Variants in SLC14A2 observed in about 807,000 individuals in gnomAD.
The protein encoded by SLC14A2 is solute carrier family 14 member 2.
In SLC14A2, 91 loss-of-function variants were observed where a neutral mutation model predicts 104.6. The ratio of observed to expected loss-of-function variants is 0.87; its 90% confidence interval spans 0.73 to 1.04. The LOEUF (loss-of-function observed/expected upper bound fraction) is 1.04, where lower values mean the gene tolerates loss of function less well. Ranked by LOEUF, SLC14A2 falls within the 50% of genes least tolerant of loss-of-function variation. The probability of loss-of-function intolerance (pLI) is 0.00; values close to 1 mark genes in which losing one functional copy is unlikely to be tolerated. For synonymous variants in SLC14A2, 476 were observed against 466.4 expected (o/e 1.02, Z -0.27); for missense variants, 1,189 against 1,156.0 (o/e 1.03, Z -0.41).
intron 2 of SLC14A2, among the ~76,000 whole-genome samples, chr18:45,605,379 C>T (rs2044852119): frequency 6.6e-6 from 1 of 152,134 alleles, no homozygotes; most frequent in East Asian, 1.9e-4. Context: ...TAAAATATAA[C>T]CCCCTCTGGA....
intron 1 of SLC14A2, among the ~76,000 whole-genome samples, chr18:45,262,725 CT>C (rs1328324727): frequency 1.3e-5 from 2 of 152,176 alleles, no homozygotes; most frequent in Non-Finnish European, 2.9e-5. Flanking sequence ...TGAGTACCCG[CT>C]GTCTTACTGT....
chr18:45,342,279 A>C (rs948220248), intron 1 of SLC14A2, among the ~76,000 whole-genome samples: 1 of 152,236 alleles, frequency 6.6e-6, no homozygotes, highest in African/African-American at 2.4e-5. Flanking sequence ...CTATGAGGTT[A>C]GGGTGACCAG....
intron 1 of SLC14A2, among the ~76,000 whole-genome samples, chr18:45,230,518 AGCT>A (rs1399430946): frequency 6.6e-6 from 1 of 152,194 alleles, no homozygotes; most frequent in African/African-American, 2.4e-5. Flanking sequence ...TCTGTGAAGG[AGCT>A]GTGGGATCAG....
chr18:45,431,354 G>A (rs1350047030), intron 1 of SLC14A2, among the ~76,000 whole-genome samples: 3 of 152,066 alleles, frequency 2.0e-5, no homozygotes, highest in Admixed American at 1.3e-4. Context: ...AATGAATCCT[G>A]GCCCCTCACT....
chr18:45,396,258 GAT>G (rs1164453660), intron 1 of SLC14A2, among the ~76,000 whole-genome samples: 1 of 151,934 alleles, frequency 6.6e-6, no homozygotes, highest in African/African-American at 2.4e-5. Context: ...AGTCTTCCCA[GAT>G]CTGTGTGATC....
intron 2 of SLC14A2, among the ~76,000 whole-genome samples, chr18:45,560,344 A>G (rs1047458151): frequency 6.6e-6 from 1 of 152,156 alleles, no homozygotes. Flanking sequence ...TCCACCACAG[A>G]TGAAGACCCC....
intron 2 of SLC14A2, among the ~76,000 whole-genome samples, chr18:45,595,406 GT>G (rs34560576): frequency 0.096 from 13,764 of 143,528 alleles, 721 homozygotes; most frequent in East Asian, 0.2. Flanking sequence ...ATTTTGCTGG[GT>G]TTTTTTTTTT....
At chr18:45,356,529 G>A (rs1220288758) in intron 1 of SLC14A2, among the ~76,000 whole-genome samples, 3 of 152,152 alleles carry the variant, frequency 2.0e-5, no homozygotes, top group Non-Finnish European at 2.9e-5. Flanking sequence ...ATGAGATACG[G>A]GAAACGATGT....
intron 1 of SLC14A2, among the ~76,000 whole-genome samples, chr18:45,253,499 C>T (rs2084444556): frequency 6.7e-6 from 1 of 149,990 alleles, no homozygotes; most frequent in South Asian, 2.1e-4. Flanking sequence ...TTCATTACAA[C>T]TTTAAAAGTC....
At chr18:45,607,463 G>T (rs752632156) in intron 2 of SLC14A2, among the ~76,000 whole-genome samples, 1 of 151,952 alleles carries the variant, frequency 6.6e-6, no homozygotes, top group African/African-American at 2.4e-5. Flanking sequence ...CCACATAGTT[G>T]GTACTCAGCA....
At chr18:45,362,165 A>C (rs1283337392) in intron 1 of SLC14A2, among the ~76,000 whole-genome samples, 1 of 152,246 alleles carries the variant, frequency 6.6e-6, no homozygotes, top group Non-Finnish European at 1.5e-5. Context: ...CTTATGAAGA[A>C]GGTACTTGTT....
intron 2 of SLC14A2, among the ~76,000 whole-genome samples, chr18:45,546,981 T>C (rs1214374677): frequency 6.6e-6 from 1 of 152,088 alleles, no homozygotes; most frequent in African/African-American, 2.4e-5. Flanking sequence ...TGCCCAGCCT[T>C]CTCAACCCAG....
chr18:45,466,214 A>G (rs781386600), intron 1 of SLC14A2, among the ~76,000 whole-genome samples: 1 of 152,064 alleles, frequency 6.6e-6, no homozygotes, highest in East Asian at 1.9e-4. Context: ...TATTACCTGG[A>G]CATCCACTTT....
chr18:45,507,323 G>C (rs2043302034), intron 2 of SLC14A2: 1 of 152,558 alleles, frequency 6.6e-6, no homozygotes, highest in Admixed American at 6.5e-5. Flanking sequence ...GCAGAGGTCA[G>C]ATGAGAGAGT....
chr18:45,177,849 A>T, the SLC14A2 span, among the ~76,000 whole-genome samples: 1 of 152,230 alleles, frequency 6.6e-6, no homozygotes, highest in African/African-American at 2.4e-5. Flanking sequence ...ATAAATGGAT[A>T]AATGGAAGGG....
intron 1 of SLC14A2, among the ~76,000 whole-genome samples, chr18:45,436,441 C>T (rs2086598024): frequency 6.6e-6 from 1 of 152,114 alleles, no homozygotes; most frequent in African/African-American, 2.4e-5. Context: ...TAGAGAAAAC[C>T]CAAGAACACT....
At chr18:45,237,349 G>A (rs7227362) in intron 1 of SLC14A2, among the ~76,000 whole-genome samples, 2,862 of 152,222 alleles carry the variant, frequency 0.019, 75 homozygotes, top group African/African-American at 0.065. Context: ...CCCTGGTTAC[G>A]TATAAAGATG....
chr18:45,213,370 C>T (rs1599577227), intron 1 of SLC14A2, among the ~76,000 whole-genome samples: 2 of 152,136 alleles, frequency 1.3e-5, no homozygotes, highest in East Asian at 3.9e-4. Context: ...AAGACACCAC[C>T]AGTCAATTGT....
intron 1 of SLC14A2, among the ~76,000 whole-genome samples, chr18:45,407,876 A>G (rs534744367): frequency 2.0e-5 from 3 of 152,324 alleles, no homozygotes; most frequent in Non-Finnish European, 2.9e-5. Context: ...TACAACAGTA[A>G]TATCAAAGAT....
Sources: gnomAD v4.1 joint callset for allele counts (sites outside exome capture counted in the v4.1 genomes callset) on GRCh38, gnomAD v4.1.1 for gene constraint, MANE v1.5 for transcripts, NCBI Gene and HGNC (gene_info 2026-07-23, HGNC 2026-07-21) for gene names.